MACROD2: variants seen among roughly 807,000 people sequenced by gnomAD.
MACROD2 encodes the protein ADP-ribose glycohydrolase MACROD2.
In MACROD2, 36 loss-of-function variants were observed where a neutral mutation model predicts 70.4. The ratio of observed to expected loss-of-function variants is 0.51; its 90% CI spans 0.39 to 0.68. The LOEUF is 0.68. Among genes scored for constraint, MACROD2 ranks in the 30% least tolerant of loss-of-function variants. The pLI is 0.00. For missense variants in MACROD2, 496 were observed against 538.4 expected, an observed-to-expected ratio of 0.92 and a Z score of 0.78; for synonymous variants, 172 against 178.8, an observed-to-expected ratio of 0.96 and a Z score of 0.30.
At chr20:15,158,805 C>CA (rs2076327120) in intron 5 of MACROD2, among the ~76,000 whole-genome samples, 1 of 152,072 alleles carries the variant, frequency 6.6e-6, no homozygotes, top group Non-Finnish European at 1.5e-5. Flanking sequence ...GAGTAGACTG[C>CA]AAAATAGACA....
At chr20:14,673,505 C>T (rs533259635) in intron 4 of MACROD2, among the ~76,000 whole-genome samples, 3 of 152,206 alleles carry the variant, frequency 2.0e-5, no homozygotes, top group South Asian at 2.1e-4. Context: ...TTACTAGGCT[C>T]GCTTGGTGAC....
intron 15 of MACROD2, among the ~76,000 whole-genome samples, chr20:16,000,513 A>G (rs6135629): frequency 0.031 from 4,721 of 152,234 alleles, 219 homozygotes; most frequent in East Asian, 0.22. Flanking sequence ...TCAGAAGCCT[A>G]TTACCTTACT....
chr20:15,583,031 G>C (rs943653715), intron 8 of MACROD2, among the ~76,000 whole-genome samples: 1 of 150,516 alleles, frequency 6.6e-6, no homozygotes, highest in Non-Finnish European at 1.5e-5. Context: ...TTCTTGAAGA[G>C]AGAGGGAGGA....
chr20:15,789,939 A>G (rs1015334504), intron 8 of MACROD2, among the ~76,000 whole-genome samples: 1 of 152,050 alleles, frequency 6.6e-6, no homozygotes, highest in Non-Finnish European at 1.5e-5. Flanking sequence ...AAAATTATAT[A>G]GAAAATTATT....
intron 3 of MACROD2, chr20:14,323,443 T>C (rs6131569): frequency 0.39 from 58,935 of 152,066 alleles, 12,833 homozygotes; most frequent in Non-Finnish European, 0.49. Flanking sequence ...TGTTCAGCAA[T>C]CTGGAAGCTC....
Position 14,230,669 on chromosome 20 carries a change from CTATATATATATA to C in MACROD2, c.271+144961_271+144972del, listed in dbSNP as rs71190120. On this transcript the variant is annotated intron_variant, in intron 3 of 17. Transcript: ENST00000684519. Reference sequence around the variant, plus strand: ...TATATATATATAACACAGGCTGGGCCTATATATATATATATATATATATATATATATGGGCCC... The same window carrying C: ...TATATATATATAACACAGGCTGGGCCTATATATATATATATATATGGGCCC... Among the ~76,000 whole-genome samples, 48 of 92,918 alleles carry C rather than the reference CTATATATATATA, an allele frequency of 5.2e-4. 8 individuals carry two copies. Among genetic ancestry groups the C allele is most frequent in the South Asian group, 4.5e-3 (10 of 2,216 alleles). The allele number at this position is 92,918 out of a possible 152,430, so 61.0% of individuals were successfully genotyped here. A position where few individuals can be genotyped will look rare whatever the true frequency, so the allele number is the denominator to read the frequency against.
chr20:15,347,878 T>G (rs115680660), intron 6 of MACROD2, among the ~76,000 whole-genome samples: 478 of 152,304 alleles, frequency 3.1e-3, no homozygotes, highest in African/African-American at 0.01. Flanking sequence ...AGTGAATGAA[T>G]TTTTTGGCTG....
intron 4 of MACROD2, among the ~76,000 whole-genome samples, chr20:14,582,914 A>C (rs926325594): frequency 2.0e-5 from 3 of 152,188 alleles, no homozygotes; most frequent in Admixed American, 1.3e-4. Context: ...GGGCATACAC[A>C]TCAAGTGAAA....
chr20:16,016,605 G>A (rs1379096559), intron 15 of MACROD2, among the ~76,000 whole-genome samples: 2 of 152,018 alleles, frequency 1.3e-5, no homozygotes, highest in African/African-American at 4.8e-5. Flanking sequence ...GCGCGATCTC[G>A]GCTAACTGCA....
chr20:15,743,755 T>C (rs1181522043), intron 8 of MACROD2, among the ~76,000 whole-genome samples: 2 of 152,158 alleles, frequency 1.3e-5, no homozygotes, highest in Non-Finnish European at 2.9e-5. Context: ...TCAATAAAGT[T>C]CTCTCGTTTA....
chr20:14,033,577 G>A (rs2053271608), intron 2 of MACROD2, among the ~76,000 whole-genome samples: 1 of 152,106 alleles, frequency 6.6e-6, no homozygotes, highest in South Asian at 2.1e-4. Flanking sequence ...TCTTATGCAA[G>A]GATATATCTT....
chr20:15,200,155 A>G (rs994159068), intron 5 of MACROD2, among the ~76,000 whole-genome samples: 1 of 152,212 alleles, frequency 6.6e-6, no homozygotes, highest in African/African-American at 2.4e-5. Context: ...TTTCATCAGC[A>G]TACTGGGTCA....
At chr20:15,378,848 T>C (rs955143797) in intron 6 of MACROD2, among the ~76,000 whole-genome samples, 1 of 152,194 alleles carries the variant, frequency 6.6e-6, no homozygotes, top group Non-Finnish European at 1.5e-5. Flanking sequence ...AGACTACCAG[T>C]ACTCAGAGGA....
At chr20:14,863,649 TA>T (rs982098253) in intron 5 of MACROD2, among the ~76,000 whole-genome samples, 61 of 152,202 alleles carry the variant, frequency 4.0e-4, no homozygotes, top group African/African-American at 1.5e-3. Flanking sequence ...TTAATATATA[TA>T]ACATTAATAT....
Position 15,945,727 on chromosome 20 carries a change from T to G in MACROD2, c.907+8183T>G, listed in dbSNP as rs188076715. Among the ~76,000 whole-genome samples the G allele has an allele frequency of 2.2e-4, 34 of 152,312 alleles. No homozygotes were observed. In the East Asian group the frequency reaches 4.8e-3, roughly 22 times the overall value. The stretch of plus-strand genomic sequence containing the variant: ...AAGTCATCAGTGTTATTATCCCAAT[T>G]TTGCAGATAACTGAGGCTCAGAAAG... On this transcript the variant is annotated intron_variant, in intron 12 of 17. Coordinates refer to ENST00000684519, the MANE Select transcript of MACROD2 (RefSeq NM_001351661.2).
chr20:14,986,796 C>A (rs2074852940), intron 5 of MACROD2, among the ~76,000 whole-genome samples: 2 of 152,174 alleles, frequency 1.3e-5, no homozygotes, highest in Admixed American at 1.3e-4. Context: ...CGCCTTCTCT[C>A]CCCGTCACCT....
chr20:15,615,286 A>G (rs2049022332), intron 8 of MACROD2, among the ~76,000 whole-genome samples: 1 of 152,170 alleles, frequency 6.6e-6, no homozygotes, highest in Non-Finnish European at 1.5e-5. Context: ...AGAGAGAGAG[A>G]AACTTCTGCA....
At chr20:14,470,109 T>C (rs1361002197) in intron 3 of MACROD2, among the ~76,000 whole-genome samples, 2 of 151,950 alleles carry the variant, frequency 1.3e-5, no homozygotes, top group African/African-American at 4.8e-5. Context: ...TCTGATGGGG[T>C]TTTTGTGTGG....
chr20:15,229,812 A>G, intron 5 of MACROD2, 128 bp from the exon 6 acceptor site: 5 of 921,832 alleles, frequency 5.4e-6, no homozygotes, highest in Non-Finnish European at 7.4e-6. Context: ...TTGCGTCGCC[A>G]ATGTATTGCT....
Sources: gnomAD v4.1 joint callset for allele counts (sites outside exome capture counted in the v4.1 genomes callset) on GRCh38, gnomAD v4.1.1 for gene constraint, MANE v1.5 for transcripts, NCBI Gene and HGNC (gene_info 2026-07-23, HGNC 2026-07-21) for gene names.